B3GALT1: variants seen among roughly 807,000 people sequenced by gnomAD.
B3GALT1 encodes UDP-Gal:betaGlcNAc beta 1,3-galactosyltransferase, polypeptide 1.
In B3GALT1, 10 loss-of-function variants were observed where a neutral mutation model predicts 23.2. The observed-to-expected ratio is 0.43, with a 90% CI of 0.27 to 0.73. B3GALT1 has a LOEUF of 0.73. Among genes scored for constraint, B3GALT1 ranks in the 30% least tolerant of loss-of-function variants. B3GALT1 has a pLI of 0.21. For missense variants in B3GALT1, 299 were observed against 405.4 expected (o/e 0.74, Z 2.25); for synonymous variants, 156 against 141.5 (o/e 1.10, Z -0.73).
intron 2 of B3GALT1, among the ~76,000 whole-genome samples, chr2:167,642,603 G>A (rs569481340): frequency 1.3e-5 from 2 of 152,240 alleles, no homozygotes; most frequent in South Asian, 2.1e-4. Flanking sequence ...TATGCTGGGC[G>A]CAGTGGCTCA....
At chr2:167,454,731 C>A (rs1430158487) in intron 1 of B3GALT1, among the ~76,000 whole-genome samples, 1 of 152,128 alleles carries the variant, frequency 6.6e-6, no homozygotes, top group Admixed American at 6.5e-5. Flanking sequence ...ATCTCCTTTG[C>A]TACTCAGAAC....
intron 4 of B3GALT1, among the ~76,000 whole-genome samples, chr2:167,835,353 T>A (rs1247057188): frequency 6.6e-6 from 1 of 152,238 alleles, no homozygotes; most frequent in Non-Finnish European, 1.5e-5. Context: ...TCCGACGGGC[T>A]TAAAAAACGG....
chr2:167,660,846 A>T (rs1269152654), intron 3 of B3GALT1, among the ~76,000 whole-genome samples: 1 of 152,162 alleles, frequency 6.6e-6, no homozygotes, highest in Non-Finnish European at 1.5e-5. Context: ...ACCTTGTTTC[A>T]GAGAGATTAA....
intron 1 of B3GALT1, among the ~76,000 whole-genome samples, chr2:167,367,406 G>A (rs1277821190): frequency 6.6e-6 from 1 of 152,220 alleles, no homozygotes; most frequent in East Asian, 1.9e-4. Context: ...CTTAGGGAAA[G>A]TGGTCAACAT....
chr2:167,779,000 C>G lies in B3GALT1; in HGVS notation c.-351-39672C>G, dbSNP rs144447384. On this transcript the variant is annotated intron_variant, in intron 3 of 4. Coordinates refer to ENST00000392690, the MANE Select transcript of B3GALT1 (RefSeq NM_020981.4). ...TTTCTGTGACACCTGTCAATTCCTA[C>G]CCATTAACAATGACATTGAATGCAA... is the stretch of plus-strand genomic sequence containing the variant. Among the ~76,000 whole-genome samples the G allele has an allele frequency of 4.6e-5, 7 of 152,274 alleles. No individual in the cohort carries two copies. The East Asian group carries it at 1.4e-3, about 29-fold the overall frequency.
Position 167,352,280 on chromosome 2 carries a change from GTT to G in B3GALT1, c.-511+58958_-511+58959del, listed in dbSNP as rs751182725. 0.041 allele frequency among the ~76,000 whole-genome samples: 355 copies of G among 8,628 alleles called. 18 individuals are homozygous for G. The East Asian group carries it at 0.48, about 12-fold the overall frequency. The allele number at this position is 8,628 out of a possible 152,430, so 5.7% of individuals were successfully genotyped here. A position where few individuals can be genotyped will look rare whatever the true frequency, so the allele number is the denominator to read the frequency against. On this transcript the variant is annotated intron_variant, in intron 1 of 4. Transcript: ENST00000392690. ...CCATGCCTGGCCTGTTTTTTTTTTT[GTT>G]TTTTTTTTTTTAAGTCCTTCGCTAT...
intron 4 of B3GALT1, among the ~76,000 whole-genome samples, chr2:167,851,233 C>A (rs920508457): frequency 2.0e-5 from 3 of 151,836 alleles, no homozygotes; most frequent in African/African-American, 4.8e-5. Flanking sequence ...TAATAAGCTA[C>A]TAAATTTACA....
At chr2:167,858,943 G>T (rs1352746986) in intron 4 of B3GALT1, among the ~76,000 whole-genome samples, 1 of 152,064 alleles carries the variant, frequency 6.6e-6, no homozygotes, top group Non-Finnish European at 1.5e-5. Context: ...TTTAGATAGT[G>T]AATACACTAA....
At chr2:167,474,565 G>A (rs144796767) in intron 1 of B3GALT1, among the ~76,000 whole-genome samples, 14 of 152,158 alleles carry the variant, frequency 9.2e-5, no homozygotes, top group South Asian at 4.2e-4. Context: ...CTCATTTCAC[G>A]TGGATCTAAA....
At chr2:167,314,522 G>A (rs1696682083) in intron 1 of B3GALT1, among the ~76,000 whole-genome samples, 1 of 152,118 alleles carries the variant, frequency 6.6e-6, no homozygotes, top group Non-Finnish European at 1.5e-5. Context: ...TTAATTGTTG[G>A]TTTGGAATCA....
At chr2:167,296,835 A>G (rs946628487) in intron 1 of B3GALT1, among the ~76,000 whole-genome samples, 13 of 152,146 alleles carry the variant, frequency 8.5e-5, no homozygotes, top group Non-Finnish European at 1.5e-4. Flanking sequence ...TTGGGGTGCA[A>G]TAGATCATAA....
At chr2:167,717,484 GTT>G (rs35510735) in intron 3 of B3GALT1, among the ~76,000 whole-genome samples, 1 of 150,418 alleles carries the variant, frequency 6.6e-6, no homozygotes, top group African/African-American at 2.4e-5. Context: ...GTTATACATA[GTT>G]TTTTTTTTAA....
chr2:167,826,211 C>T (rs1050242072), intron 4 of B3GALT1, among the ~76,000 whole-genome samples: 2 of 152,144 alleles, frequency 1.3e-5, no homozygotes, highest in South Asian at 2.1e-4. Flanking sequence ...ACTTGACTCC[C>T]GGTCTTGCGC....
At chr2:167,635,486 A>G (rs1685535128) in intron 2 of B3GALT1, among the ~76,000 whole-genome samples, 1 of 152,210 alleles carries the variant, frequency 6.6e-6, no homozygotes, top group Non-Finnish European at 1.5e-5. Flanking sequence ...TAAGCTGATA[A>G]GCAACTTCAG....
intron 3 of B3GALT1, among the ~76,000 whole-genome samples, chr2:167,737,973 A>C (rs1687519106): frequency 6.6e-6 from 1 of 152,212 alleles, no homozygotes. Context: ...CCGTAAACTG[A>C]CAAATAAATG....
At chr2:167,647,467 G>A (rs1685767546) in intron 3 of B3GALT1, among the ~76,000 whole-genome samples, 1 of 152,130 alleles carries the variant, frequency 6.6e-6, no homozygotes, top group African/African-American at 2.4e-5. Flanking sequence ...CAAGAGGAAA[G>A]GCAGAATCCT....
chr2:167,402,354 A>G (rs944305141), intron 1 of B3GALT1, among the ~76,000 whole-genome samples: 18 of 152,096 alleles, frequency 1.2e-4, no homozygotes, highest in Non-Finnish European at 2.5e-4. Flanking sequence ...TATTTTTTTA[A>G]GTCAAAATAC....
intron 4 of B3GALT1, among the ~76,000 whole-genome samples, chr2:167,820,932 A>G (rs1689092717): frequency 6.6e-6 from 1 of 152,226 alleles, no homozygotes; most frequent in Non-Finnish European, 1.5e-5. Flanking sequence ...GCTTGACTCT[A>G]AATGCTTTTG....
At chr2:167,486,451 C>T (rs769079545) in intron 1 of B3GALT1, among the ~76,000 whole-genome samples, 1 of 151,566 alleles carries the variant, frequency 6.6e-6, no homozygotes, top group Non-Finnish European at 1.5e-5. Flanking sequence ...AGGCCGGGCA[C>T]AGTGGCTCAT....
Sources: allele counts gnomAD v4.1 joint callset (sites outside exome capture counted in the v4.1 genomes callset), GRCh38; gene constraint gnomAD v4.1.1; transcripts MANE v1.5; gene names NCBI Gene and HGNC (gene_info 2026-07-23, HGNC 2026-07-21).